The following NUP98 variants were observed in gnomAD, a reference collection of about 807,000 sequenced individuals.
NUP98 encodes the protein nucleoporin 98 and 96 precursor.
In NUP98, 26 loss-of-function variants were observed where a neutral mutation model predicts 191.9. The observed-to-expected ratio is 0.14, with a 90% CI of 0.10 to 0.19. The LOEUF is 0.19. Among genes scored for constraint, NUP98 ranks in the 10% least tolerant of loss-of-function variants. The pLI is 1.00. For missense variants in NUP98, 1,941 were observed against 2,178.8 expected, an observed-to-expected ratio of 0.89 and a Z score of 2.17; for synonymous variants, 808 against 778.4, an observed-to-expected ratio of 1.04 and a Z score of -0.63.
intron 20 of NUP98, 93 bp from the exon 21 acceptor site, chr11:3,706,720 C>T (rs2134138245): frequency 1.6e-6 from 2 of 1,219,482 alleles, no homozygotes; most frequent in Non-Finnish European, 2.3e-6. Context: ...GAATATGATA[C>T]AACAATTATT....
intron 14 of NUP98, among the ~76,000 whole-genome samples, chr11:3,727,229 C>T (rs2079653944): frequency 1.3e-5 from 2 of 152,104 alleles, no homozygotes; most frequent in African/African-American, 4.8e-5. Flanking sequence ...GTCCCACGTA[C>T]TTGAGAGGCT....
chr11:3,768,182 G>A (rs1310348801), intron 8 of NUP98, among the ~76,000 whole-genome samples: 2 of 152,104 alleles, frequency 1.3e-5, no homozygotes, highest in Non-Finnish European at 2.9e-5. Context: ...AGCACTTTGG[G>A]AGGCCGAGGT....
chr11:3,789,017 TAA>T (rs1413737636), intron 1 of NUP98, among the ~76,000 whole-genome samples: 2 of 152,138 alleles, frequency 1.3e-5, no homozygotes, highest in Middle Eastern at 3.4e-3. Context: ...TAATTCAAAA[TAA>T]AAAGTTAAAA....
At chr11:3,712,948 C>T (rs1297846854) in intron 19 of NUP98, among the ~76,000 whole-genome samples, 1 of 152,136 alleles carries the variant, frequency 6.6e-6, no homozygotes, top group African/African-American at 2.4e-5. Context: ...ATAAAGATTA[C>T]ATAATATACA....
chr11:3,782,170 TC>T lies in NUP98; in HGVS notation c.-28-26del, dbSNP rs2081991246. 3 of 1,265,170 alleles carry T rather than the reference TC, an allele frequency of 2.4e-6. No homozygotes were observed. The East Asian group carries it at 7.0e-5, about 30-fold the overall frequency. The allele number at this position is 1,265,170 out of a possible 1,614,324, so 78.4% of individuals were successfully genotyped here. ...GCTGGGAAAAAGAAAACATTATCAC[TC>T]TCTTAAAGACCACAAAATGGAATAT... On this transcript the variant is annotated intron_variant, in intron 1 of 32. Transcript: ENST00000324932.
intron 1 of NUP98, among the ~76,000 whole-genome samples, chr11:3,796,514 A>G (rs1277746429): frequency 6.6e-6 from 1 of 152,260 alleles, no homozygotes; most frequent in Admixed American, 6.5e-5. Flanking sequence ...TTAGGGTACC[A>G]CTAACGAAGC....
chr11:3,786,309 C>G (rs1274714040), intron 1 of NUP98, among the ~76,000 whole-genome samples: 1 of 152,230 alleles, frequency 6.6e-6, no homozygotes, highest in Non-Finnish European at 1.5e-5. Context: ...AGACACTTCT[C>G]TGGCAAATAT....
chr11:3,731,670 C>T (rs932501834), intron 13 of NUP98, 92 bp from the exon 14 acceptor site: 2 of 836,076 alleles, frequency 2.4e-6, no homozygotes, highest in African/African-American at 1.7e-5. Flanking sequence ...CAATCCTCAT[C>T]TTTGTCATTC....
chr11:3,691,419 A>G lies in NUP98; in HGVS notation c.4382T>C (p.Ile1461Thr), dbSNP rs1439921834. 1 of 1,614,218 alleles carries G rather than the reference A, an allele frequency of 6.2e-7. No individual in the cohort carries two copies. The highest frequency in any genetic ancestry group is 2.2e-5 in the East Asian group (1 of 44,886). ...PSYLEGSGCVIAEEQNSQTPL... is the reference protein window; with the variant it reads ...PSYLEGSGCVTAEEQNSQTPL... ...TGTCTGTGAGTTTTGCTCCTCCGCT[A>G]TCACACAGCCAGAACCCTCCAGATA... Residue 1461 changes from isoleucine to threonine, a missense_variant, in exon 28 of 33, where the codon ATA (isoleucine) becomes ACA (threonine). Coordinates refer to ENST00000324932, the MANE Select transcript of NUP98 (RefSeq NM_016320.5).
chr11:3,787,169 T>G (rs554648624), intron 1 of NUP98, among the ~76,000 whole-genome samples: 1 of 152,338 alleles, frequency 6.6e-6, no homozygotes, highest in South Asian at 2.1e-4. Flanking sequence ...AAGAAGAGAT[T>G]CATTAGCCTA....
chr11:3,774,180 A>G (rs1564913462), intron 5 of NUP98, among the ~76,000 whole-genome samples: 4 of 148,478 alleles, frequency 2.7e-5, no homozygotes, highest in South Asian at 2.1e-4. Context: ...CGGGTGGATC[A>G]TGAGGTCAGG....
At chr11:3,755,492 A>T (rs2080928257) in intron 10 of NUP98, among the ~76,000 whole-genome samples, 1 of 151,752 alleles carries the variant, frequency 6.6e-6, no homozygotes, top group Non-Finnish European at 1.5e-5. Flanking sequence ...CATGGAGGAA[A>T]AAGTAGCCCA....
chr11:3,697,918 T>C (rs970445250), intron 25 of NUP98, among the ~76,000 whole-genome samples: 3 of 148,658 alleles, frequency 2.0e-5, no homozygotes, highest in Non-Finnish European at 4.4e-5. Flanking sequence ...AAGAAGTAAA[T>C]ATATGCATAT....
intron 12 of NUP98, among the ~76,000 whole-genome samples, chr11:3,738,081 C>T (rs1589843730): frequency 1.9e-5 from 2 of 102,600 alleles, no homozygotes; most frequent in Admixed American, 1.1e-4. Flanking sequence ...TCTACCTGGG[C>T]GTTCTCAAAA....
chr11:3,736,998 A>G (rs276909), intron 12 of NUP98, among the ~76,000 whole-genome samples: 85,670 of 151,988 alleles, frequency 0.56, 25,362 homozygotes, highest in African/African-American at 0.76. Flanking sequence ...GGGAACAGAC[A>G]TAAGTAACAA....
Position 3,715,113 on chromosome 11 carries a change from C to A in NUP98, c.2400-1118G>T, listed in dbSNP as rs2079138446. Among the ~76,000 whole-genome samples, 3 of 152,300 alleles carry A rather than the reference C, an allele frequency of 2.0e-5. No individual in the cohort carries two copies. The South Asian group carries it at 6.2e-4, about 32-fold the overall frequency. On this transcript the variant is annotated intron_variant, in intron 18 of 32. Transcript: ENST00000324932. ...GTTACACATTCCCACCAATGGTGCA[C>A]AAAGGTTCCAATTTCTCCACATTGG...
At chr11:3,766,689 C>CAAAAAAAA (rs544567161) in intron 8 of NUP98, among the ~76,000 whole-genome samples, 816 of 58,696 alleles carry the variant, frequency 0.014, 8 homozygotes, top group African/African-American at 0.026. Flanking sequence ...AACTCCGTCT[C>CAAAAAAAA]AAAAAAAAAA....
intron 7 of NUP98, among the ~76,000 whole-genome samples, chr11:3,770,366 C>T (rs1267018214): frequency 2.0e-5 from 3 of 151,962 alleles, no homozygotes; most frequent in Non-Finnish European, 2.9e-5. Context: ...TGGCACATGC[C>T]TGTAGGGTGG....
intron 14 of NUP98, among the ~76,000 whole-genome samples, chr11:3,730,327 T>C (rs533776904): frequency 4.6e-5 from 7 of 152,154 alleles, no homozygotes; most frequent in African/African-American, 1.4e-4. Flanking sequence ...CACATAAAAT[T>C]AGACTTTCCA....
Sources: allele counts gnomAD v4.1 joint callset (sites outside exome capture counted in the v4.1 genomes callset), GRCh38; gene constraint gnomAD v4.1.1; transcripts MANE v1.5; gene names NCBI Gene and HGNC (gene_info 2026-07-23, HGNC 2026-07-21).